The following SVIL variants were observed in gnomAD, a reference collection of about 807,000 sequenced individuals.
SVIL encodes the protein archvillin.
A neutral mutation model predicts 240.4 loss-of-function variants in SVIL; 101 were observed. The ratio of observed to expected loss-of-function variants is 0.42; its 90% CI spans 0.36 to 0.50. The LOEUF is 0.50. Ranked by LOEUF, SVIL falls within the 20% of genes least tolerant of loss-of-function variation. SVIL has a pLI of 0.01. For missense variants in SVIL, 2,512 were observed against 2,818.7 expected, an observed-to-expected ratio of 0.89 and a Z score of 2.46; for synonymous variants, 999 against 1,100.0, an observed-to-expected ratio of 0.91 and a Z score of 1.82.
chr10:29,564,670 C>T (rs1043831872), intron 2 of SVIL, among the ~76,000 whole-genome samples: 4 of 152,192 alleles, frequency 2.6e-5, no homozygotes, highest in Admixed American at 1.3e-4. Flanking sequence ...GTCCAAAGCA[C>T]AGCCACCATC....
At chr10:29,596,573 T>G (rs144910477) in intron 1 of SVIL, among the ~76,000 whole-genome samples, 525 of 152,160 alleles carry the variant, frequency 3.5e-3, no homozygotes, top group Non-Finnish European at 6.2e-3. Flanking sequence ...TTGGAAAATG[T>G]GGGGGTGGGG....
At chr10:29,496,788 C>T (rs1346669115) in intron 18 of SVIL, among the ~76,000 whole-genome samples, 1 of 152,230 alleles carries the variant, frequency 6.6e-6, no homozygotes, top group Non-Finnish European at 1.5e-5. Flanking sequence ...AGGGCAGTGG[C>T]ATTTGGTAGT....
intron 6 of SVIL, among the ~76,000 whole-genome samples, chr10:29,541,990 T>G (rs1486566838): frequency 6.6e-6 from 1 of 152,216 alleles, no homozygotes; most frequent in South Asian, 2.1e-4. Flanking sequence ...TGCGTTCCAC[T>G]GATTGGTGTC....
At chr10:29,617,934 G>C (rs1323599960) in intron 1 of SVIL, among the ~76,000 whole-genome samples, 1 of 152,200 alleles carries the variant, frequency 6.6e-6, no homozygotes, top group Non-Finnish European at 1.5e-5. Flanking sequence ...AAGACGTTAA[G>C]AGGTTTTCAA....
At chr10:29,563,367 A>T in intron 2 of SVIL, 75 bp from the exon 3 acceptor site, 1 of 588,936 alleles carries the variant, frequency 1.7e-6, no homozygotes, top group Non-Finnish European at 2.1e-6. Flanking sequence ...AGAACACAAA[A>T]ATTATGATAT....
chr10:29,548,864 A>G (rs1371113123), intron 6 of SVIL, among the ~76,000 whole-genome samples: 1 of 152,256 alleles, frequency 6.6e-6, no homozygotes, highest in African/African-American at 2.4e-5. Context: ...TGAGAAACCC[A>G]GTAAGAGGGT....
At chr10:29,711,279 G>C (rs1963259683) in intron 1 of SVIL, among the ~76,000 whole-genome samples, 1 of 152,022 alleles carries the variant, frequency 6.6e-6, no homozygotes, top group South Asian at 2.1e-4. Context: ...GCACGCCGGT[G>C]GTCCCAGCTA....
chr10:29,508,516 T>A (rs1393507698), intron 17 of SVIL: 8 of 662,882 alleles, frequency 1.2e-5, no homozygotes, highest in African/African-American at 1.9e-5. Flanking sequence ...GCTCACACAA[T>A]AGGGTGATGT....
rs552495781 is a variant in SVIL, at chr10:29,599,715, C to A, written c.-200-30403G>T. Among the ~76,000 whole-genome samples, 18 of 152,240 alleles carry A rather than the reference C, an allele frequency of 1.2e-4. No individual in the cohort carries two copies. In the South Asian group the frequency reaches 3.7e-3, roughly 32 times the overall value. On this transcript the variant is annotated intron_variant, in intron 1 of 37. Transcript: ENST00000355867. ...TACAGGCATGAGCCACCATGCCAAG[C>A]CTGTCTTAAAACTTTGTGCAGTCCT...
At chr10:29,493,966 G>A (rs1024913850) in intron 20 of SVIL, among the ~76,000 whole-genome samples, 6 of 152,154 alleles carry the variant, frequency 3.9e-5, no homozygotes, top group African/African-American at 1.4e-4. Flanking sequence ...CTTGAGCCCA[G>A]GACTTCAGCC....
At chr10:29,623,627 G>A (rs958915145) in intron 1 of SVIL, among the ~76,000 whole-genome samples, 4 of 152,174 alleles carry the variant, frequency 2.6e-5, no homozygotes, top group African/African-American at 9.7e-5. Flanking sequence ...AAGGCGGGTG[G>A]ATCATGAGGT....
chr10:29,467,842 G>A lies in SVIL; in HGVS notation c.5877C>T (p.Ser1959=), dbSNP rs550800093. ...CATCACACTCGTGTATTGTGACTTT[G>A]CTGCTACTATGCAGTCCTGCTTCCA... ...CPLEAGLHSS[S]KVTIHECDEG... is the part of the protein sequence containing the mutation. The change falls in exon 33 of 38, where the codon AGC becomes AGT. Residue 1959 remains serine (S), a synonymous_variant. Transcript: ENST00000355867. The A allele has an allele frequency of 6.2e-7, 1 of 1,614,154 alleles. No individual in the cohort carries two copies. The highest frequency in any genetic ancestry group is 2.2e-5 in the East Asian group (1 of 44,886).
At chr10:29,597,469 G>C (rs1002306220) in intron 1 of SVIL, among the ~76,000 whole-genome samples, 6 of 152,102 alleles carry the variant, frequency 3.9e-5, no homozygotes, top group Non-Finnish European at 8.8e-5. Flanking sequence ...GCACAGGCTG[G>C]AGAGCAGTGG....
At chr10:29,582,904 G>C (rs1296375047) in intron 1 of SVIL, among the ~76,000 whole-genome samples, 2 of 152,102 alleles carry the variant, frequency 1.3e-5, no homozygotes, top group Non-Finnish European at 2.9e-5. Context: ...GAGGGGAAGG[G>C]GCTGACTTGA....
chr10:29,545,586 G>A (rs1044952602), intron 6 of SVIL, among the ~76,000 whole-genome samples: 4 of 152,102 alleles, frequency 2.6e-5, no homozygotes, highest in Non-Finnish European at 4.4e-5. Context: ...GCCGGGCGTG[G>A]TGGCTCACGC....
intron 17 of SVIL, among the ~76,000 whole-genome samples, chr10:29,507,548 T>TACACACTCAA (rs374533085): frequency 6.7e-6 from 1 of 148,300 alleles, no homozygotes; most frequent in African/African-American, 2.6e-5. Flanking sequence ...TTCTCACAGA[T>TACACACTCAA]ACACACTCAT....
At chr10:29,500,954 A>C (rs1410205044) in intron 17 of SVIL, among the ~76,000 whole-genome samples, 3 of 152,084 alleles carry the variant, frequency 2.0e-5, no homozygotes, top group Non-Finnish European at 2.9e-5. Context: ...TGACAGAGGA[A>C]AGGCGCCTTC....
chr10:29,505,616 A>G (rs1374562927), intron 17 of SVIL, among the ~76,000 whole-genome samples: 1 of 152,212 alleles, frequency 6.6e-6, no homozygotes, highest in Non-Finnish European at 1.5e-5. Flanking sequence ...GTCATTAAGT[A>G]TTTGTCAAAA....
At chr10:29,632,684 A>C (rs1299619616) in intron 1 of SVIL, among the ~76,000 whole-genome samples, 1 of 152,200 alleles carries the variant, frequency 6.6e-6, no homozygotes, top group Non-Finnish European at 1.5e-5. Context: ...AGCTGAGCGC[A>C]TTAACCAAAT....
Sources: gnomAD v4.1 joint callset for allele counts (sites outside exome capture counted in the v4.1 genomes callset) on GRCh38, gnomAD v4.1.1 for gene constraint, MANE v1.5 for transcripts, NCBI Gene and HGNC (gene_info 2026-07-23, HGNC 2026-07-21) for gene names.